Variants in MECOM observed in about 807,000 individuals in gnomAD.
MECOM encodes histone-lysine N-methyltransferase MECOM.
MECOM carries 13 observed loss-of-function variants against 116.3 expected under a neutral mutation model. That is an observed-to-expected ratio of 0.11 (90% CI 0.07 to 0.18). The LOEUF is 0.18. Among genes scored for constraint, MECOM ranks in the 10% least tolerant of loss-of-function variants. The pLI is 1.00. For synonymous variants in MECOM, 528 were observed against 535.2 expected (o/e 0.99, Z 0.19); for missense variants, 1,299 against 1,509.0 (o/e 0.86, Z 2.31).
chr3:169,152,431 T>C (rs1399885693), intron 2 of MECOM, among the ~76,000 whole-genome samples: 1 of 152,172 alleles, frequency 6.6e-6, no homozygotes, highest in Non-Finnish European at 1.5e-5. Context: ...CTGCACTTCA[T>C]AAATCACATC....
chr3:169,626,128 G>A (rs1348434596), intron 1 of MECOM, among the ~76,000 whole-genome samples: 1 of 152,200 alleles, frequency 6.6e-6, no homozygotes, highest in Non-Finnish European at 1.5e-5. Context: ...GTTTAAAAGT[G>A]AGTACCAGAA....
intron 2 of MECOM, among the ~76,000 whole-genome samples, chr3:169,186,028 G>A (rs966387667): frequency 4.6e-5 from 7 of 152,046 alleles, no homozygotes; most frequent in Admixed American, 3.3e-4. Context: ...TTCCCTCAAG[G>A]AAACTATCTC....
intron 1 of MECOM, among the ~76,000 whole-genome samples, chr3:169,429,614 A>G (rs180947888): frequency 6.6e-6 from 1 of 152,340 alleles, no homozygotes; most frequent in Non-Finnish European, 1.5e-5. Context: ...ATTCGGCTCT[A>G]GAAATATCCT....
At chr3:169,170,825 T>C (rs55789954) in intron 2 of MECOM, among the ~76,000 whole-genome samples, 10,669 of 152,242 alleles carry the variant, frequency 0.07, 467 homozygotes, top group South Asian at 0.19. Context: ...AGTGAACTTA[T>C]TGATGGTTTT....
chr3:169,121,852 GACT>G (rs1490583524), intron 6 of MECOM, among the ~76,000 whole-genome samples: 1 of 151,470 alleles, frequency 6.6e-6, no homozygotes, highest in East Asian at 1.9e-4. Context: ...ACAGGAGAAT[GACT>G]ACCCAGTAAC....
intron 2 of MECOM, among the ~76,000 whole-genome samples, chr3:169,257,680 A>C (rs1335021290): frequency 2.6e-5 from 4 of 152,168 alleles, no homozygotes; most frequent in Non-Finnish European, 5.9e-5. Flanking sequence ...CTCTAGAGAA[A>C]ACTTGGATAT....
At chr3:169,449,087 C>A (rs1216894272) in intron 1 of MECOM, among the ~76,000 whole-genome samples, 3 of 152,136 alleles carry the variant, frequency 2.0e-5, no homozygotes, top group Non-Finnish European at 4.4e-5. Context: ...GAAGCTCAAT[C>A]ACGAAAGGTC....
chr3:169,148,173 A>G (rs1740476247), intron 2 of MECOM, among the ~76,000 whole-genome samples: 1 of 152,174 alleles, frequency 6.6e-6, no homozygotes, highest in South Asian at 2.1e-4. Context: ...CCGCCCAAAC[A>G]GCATATTATG....
chr3:169,101,994 A>G (rs1028118094), intron 11 of MECOM, 66 bp downstream of exon 11: 1 of 1,496,242 alleles, frequency 6.7e-7, no homozygotes. Context: ...CAAAACAAAC[A>G]GCAAGACCTT....
chr3:169,279,008 G>C (rs997020280), intron 2 of MECOM, among the ~76,000 whole-genome samples: 1 of 152,196 alleles, frequency 6.6e-6, no homozygotes, highest in African/African-American at 2.4e-5. Context: ...ACTTCTGAAT[G>C]AAAGGGATAA....
rs553165871 is a variant in MECOM, at chr3:169,649,828, A to T, written c.37+13508T>A. On this transcript the variant is annotated intron_variant, in intron 1 of 16. Transcript: ENST00000651503. Reference sequence around the variant, plus strand: ...ATTAATCCCTTAAAGATTTATATGAATAATTTTAATTCCTTGAATGGTACC... The same window carrying T: ...ATTAATCCCTTAAAGATTTATATGATTAATTTTAATTCCTTGAATGGTACC... Among the ~76,000 whole-genome samples, 5 of 152,242 alleles carry T rather than the reference A, an allele frequency of 3.3e-5. No individual in the cohort carries two copies. The East Asian group carries it at 9.6e-4, about 29-fold the overall frequency.
At chr3:169,317,414 T>C (rs1577692995) in intron 2 of MECOM, among the ~76,000 whole-genome samples, 1 of 152,242 alleles carries the variant, frequency 6.6e-6, no homozygotes, top group Non-Finnish European at 1.5e-5. Flanking sequence ...CAACTGGTGG[T>C]CTGTGGCTTG....
chr3:169,442,376 A>T (rs1323130328), intron 1 of MECOM, among the ~76,000 whole-genome samples: 1 of 152,176 alleles, frequency 6.6e-6, no homozygotes, highest in Non-Finnish European at 1.5e-5. Context: ...TACACTTCTT[A>T]TGAGTAACTT....
At chr3:169,530,702 A>G (rs565885455) in intron 1 of MECOM, among the ~76,000 whole-genome samples, 3 of 152,262 alleles carry the variant, frequency 2.0e-5, no homozygotes, top group East Asian at 1.9e-4. Flanking sequence ...TACTGACTAT[A>G]GACTTGGCAA....
intron 2 of MECOM, among the ~76,000 whole-genome samples, chr3:169,238,112 T>G (rs1309730007): frequency 6.7e-6 from 1 of 150,130 alleles, no homozygotes; most frequent in Admixed American, 6.7e-5. Flanking sequence ...GGGGCAAAGG[T>G]TGGAGTGAGC....
rs566587978 is a variant in MECOM, at chr3:169,319,412, T to C, written c.375+61775A>G. Among the ~76,000 whole-genome samples the C allele has an allele frequency of 4.7e-5, 7 of 148,896 alleles. No individual in the cohort carries two copies. The South Asian group carries it at 6.6e-4, about 14-fold the overall frequency. On this transcript the variant is annotated intron_variant, in intron 2 of 16. Transcript: ENST00000651503. ...ACATGGGGAAGGGAACACCACACAC[T>C]GGGGCCTGTCAGGGGGTGGGGGGTA...
intron 1 of MECOM, among the ~76,000 whole-genome samples, chr3:169,384,930 C>G (rs1003772398): frequency 6.6e-6 from 1 of 151,866 alleles, no homozygotes; most frequent in Non-Finnish European, 1.5e-5. Context: ...TGACGAAACC[C>G]CATCTCTACT....
At chr3:169,340,301 G>A (rs576258339) in intron 2 of MECOM, among the ~76,000 whole-genome samples, 41 of 152,222 alleles carry the variant, frequency 2.7e-4, no homozygotes, top group Middle Eastern at 3.4e-3. Context: ...GCTACTGATC[G>A]ATGGCATCAC....
chr3:169,279,377 C>T (rs1304852094), intron 2 of MECOM, among the ~76,000 whole-genome samples: 1 of 152,064 alleles, frequency 6.6e-6, no homozygotes, highest in Admixed American at 6.5e-5. Flanking sequence ...CCCCCCACTA[C>T]ACAAAAAAGA....
Sources: gnomAD v4.1 joint callset for allele counts (sites outside exome capture counted in the v4.1 genomes callset) on GRCh38, gnomAD v4.1.1 for gene constraint, MANE v1.5 for transcripts, NCBI Gene and HGNC (gene_info 2026-07-23, HGNC 2026-07-21) for gene names.